Variants in SRCIN1 observed in about 807,000 individuals in gnomAD.
The protein encoded by SRCIN1 is SRC kinase signaling inhibitor 1, also known as P130Cas-associated protein.
A neutral mutation model predicts 116.2 loss-of-function variants in SRCIN1; 50 were observed. That is an observed-to-expected ratio of 0.43 (90% CI 0.34 to 0.54). The LOEUF is 0.54. Ranked by LOEUF, SRCIN1 falls within the 20% of genes least tolerant of loss-of-function variation. The pLI, the probability that SRCIN1 is intolerant of heterozygous loss-of-function variation, is 0.02. For missense variants in SRCIN1, 1,446 were observed against 1,672.0 expected (o/e 0.86, Z 2.36); for synonymous variants, 736 against 750.0 (o/e 0.98, Z 0.30).
Position 38,561,505 on chromosome 17 carries a change from A to G in SRCIN1, c.1658T>C (p.Val553Ala). 1 of 1,595,730 alleles carries G rather than the reference A, an allele frequency of 6.3e-7. No homozygotes were observed. The change falls in exon 7 of 19, where the codon GTT becomes GCT. Residue 553 changes from valine (V) to alanine (A), a missense_variant. Physicochemically the swap from Val to Ala is moderately conservative, Grantham distance 64. Coordinates refer to ENST00000617146, the MANE Select transcript of SRCIN1 (RefSeq NM_025248.3). ...LFPGPGERSL[V>A]GFGPPVPAKD... ...GGCTGGCACTGGCGGCCCGAACCCA[A>G]CCAGCGAGCGTTCCCCAGGCCCAGG...
intron 11 of SRCIN1, among the ~76,000 whole-genome samples, chr17:38,555,126 A>G (rs577514039): frequency 1.3e-5 from 2 of 152,318 alleles, no homozygotes; most frequent in African/African-American, 4.8e-5. Context: ...TTAACCCTCA[A>G]AACAAATCCT....
At position 38,605,708 on chromosome 17, in the gene SRCIN1, G is replaced by GGCGGGGGC. The variant is rs1025480618; in HGVS notation, c.-11_-4dup. 5.9e-5 allele frequency: 73 copies of GGCGGGGGC among 1,227,774 alleles called. No homozygotes were observed. The African/African-American group carries it at 1.0e-3, about 17-fold the overall frequency. The allele number at this position is 1,227,774 out of a possible 1,614,324, so 76.1% of individuals were successfully genotyped here. A position where few individuals can be genotyped will look rare whatever the true frequency, so the allele number is the denominator to read the frequency against. On this transcript the variant is annotated 5_prime_UTR_variant, in exon 1 of 19. Coordinates refer to ENST00000617146, the MANE Select transcript of SRCIN1 (RefSeq NM_025248.3). ...CCTTGGGACGGAGCGTTCCCCATCG[G>GGCGGGGGC]GCGGGGGCGCGGGGGGCGGGGGCCC...
In SRCIN1 at chr17:38,561,801, C is replaced by G; in HGVS notation, c.1362G>C (p.Ala454=). Residue 454 remains alanine (A), a synonymous_variant, in exon 7 of 19, where the codon GCG becomes GCC. Coordinates refer to ENST00000617146, the MANE Select transcript of SRCIN1 (RefSeq NM_025248.3). ...CGTACAGCGGGCCGCCGCCGCCCGCCGCCTTGTACAGGGAGTCCTCCAGAT... is the reference window on the plus strand; with the variant it reads ...CGTACAGCGGGCCGCCGCCGCCCGCGGCCTTGTACAGGGAGTCCTCCAGAT... ...QSDLEDSLYK[A]AGGGGPLYGD... 6.7e-7 allele frequency: 1 copy of G among 1,483,508 alleles called. No homozygotes were observed. The highest frequency in any genetic ancestry group is 8.9e-7 in the Non-Finnish European group (1 of 1,124,132). The allele number at this position is 1,483,508 out of a possible 1,614,324, so 91.9% of individuals were successfully genotyped here.
At chr17:38,560,017 G>C in intron 9 of SRCIN1, 37 bp downstream of exon 9, 1 of 1,510,116 alleles carries the variant, frequency 6.6e-7, no homozygotes, top group Non-Finnish European at 9.0e-7. Context: ...AACAGGCTCG[G>C]AGAGAACAAG....
At chr17:38,542,957 G>C in intron 18 of SRCIN1, 1 of 409,248 alleles carries the variant, frequency 2.4e-6, no homozygotes, top group East Asian at 7.2e-5. Context: ...CCCAGAATGG[G>C]CCTGTCATAC....
chr17:38,584,753 C>G (rs1205810668), intron 1 of SRCIN1, among the ~76,000 whole-genome samples: 1 of 152,262 alleles, frequency 6.6e-6, no homozygotes, highest in Non-Finnish European at 1.5e-5. Flanking sequence ...CAACTGGCAT[C>G]TTTACCCCGG....
At chr17:38,553,206 G>A (rs1377145043) in intron 11 of SRCIN1, among the ~76,000 whole-genome samples, 1 of 152,230 alleles carries the variant, frequency 6.6e-6, no homozygotes, top group African/African-American at 2.4e-5. Context: ...GCAGTGAGCC[G>A]TGATTGTGCC....
Position 38,563,780 on chromosome 17 carries a change from G to T in SRCIN1, c.542-259C>A, listed in dbSNP as rs2143206612. 7 of 666,766 alleles carry T rather than the reference G, an allele frequency of 1.0e-5. No homozygotes were observed. The highest frequency in any genetic ancestry group is 1.9e-5 in the Non-Finnish European group (7 of 374,606). 41.3% of individuals were successfully genotyped at this position (666,766 alleles called of 1,614,324 possible). On this transcript the variant is annotated intron_variant, in intron 4 of 18. Coordinates refer to ENST00000617146, the MANE Select transcript of SRCIN1 (RefSeq NM_025248.3). The surrounding 1 kb of genome is among the most constrained non-coding windows in gnomAD (Gnocchi z 5.8). The stretch of plus-strand genomic sequence containing the variant: ...GGACAAGGAAATGGAAGTGGGGGCA[G>T]AGCAGGTGGGGCGGAAACTGAGGGG...
chr17:38,581,773 G>A lies in SRCIN1; in HGVS notation c.23-2982C>T, dbSNP rs371760888. On this transcript the variant is annotated intron_variant, in intron 1 of 18. Coordinates refer to ENST00000617146, the MANE Select transcript of SRCIN1 (RefSeq NM_025248.3). ...GAGGTACTTGTGGCAACCCACAGTG[G>A]CCAGAAGTGTGGCTAAAGGAGAGTG... Among the ~76,000 whole-genome samples, 12 of 152,188 alleles carry A rather than the reference G, an allele frequency of 7.9e-5. No individual in the cohort carries two copies. In the East Asian group the frequency reaches 2.1e-3, roughly 27 times the overall value.
At chr17:38,575,780 CCCA>C (rs1447170945) in intron 2 of SRCIN1, among the ~76,000 whole-genome samples, 3 of 152,198 alleles carry the variant, frequency 2.0e-5, no homozygotes, top group Non-Finnish European at 4.4e-5. Flanking sequence ...CCAAGGCCAC[CCCA>C]CACCTAAGAC....
Position 38,548,766 on chromosome 17 carries a change from C to T in SRCIN1, c.3118-57G>A, listed in dbSNP as rs1475359748. The T allele has an allele frequency of 3.3e-6, 5 of 1,495,750 alleles. No individual in the cohort carries two copies. In the East Asian group the frequency reaches 7.2e-5, roughly 21 times the overall value. 92.7% of individuals were successfully genotyped at this position (1,495,750 alleles called of 1,614,324 possible). On this transcript the variant is annotated intron_variant, in intron 16 of 18. Transcript: ENST00000617146. ...GCTCTGCCCCACTTCAGCACCAGCT[C>T]ACCTCCCAGGCCCCATCGCCCATGT...
chr17:38,532,931 A>C lies in SRCIN1; in HGVS notation c.*366T>G. 1 of 164,038 alleles carries C rather than the reference A, an allele frequency of 6.1e-6. No individual in the cohort carries two copies. Among genetic ancestry groups the C allele is most frequent in the Non-Finnish European group, 1.3e-5 (1 of 76,414 alleles). The allele number at this position is 164,038 out of a possible 1,614,324, so 10.2% of individuals were successfully genotyped here. A position where few individuals can be genotyped will look rare whatever the true frequency, so the allele number is the denominator to read the frequency against. On this transcript the variant is annotated 3_prime_UTR_variant, in exon 19 of 19. Transcript: ENST00000617146. This position sits in a 1 kb window ranked among gnomAD's most constrained non-coding sequence, Gnocchi z 4.3. ...CTTGGGAAGTGAGGGGAAGGCGGGA[A>C]GGGGGTGCAGGAGCTTCAGGATGGA... is the stretch of plus-strand genomic sequence containing the variant.
In SRCIN1 at chr17:38,551,376, T is replaced by A. The variant is rs1341920560; in HGVS notation, c.2741A>T (p.Asp914Val). ...CAGGGCTGCCCGCTTCTCCTCCCAG[T>A]CTCGCTCTGCAGCCTTAACAGGGAG... is the stretch of plus-strand genomic sequence containing the variant. Reference protein sequence around the residue: ...KAVSVEAAERDWEEKRAALTQ... With the variant: ...KAVSVEAAERVWEEKRAALTQ... The change falls in exon 15 of 19, where the codon GAC becomes GTC. Residue 914 changes from aspartate to valine, a missense_variant. This residue lies in a region of SRCIN1 where 531 missense variants were observed against 633.9 expected (regional missense o/e 0.84). Coordinates refer to ENST00000617146, the MANE Select transcript of SRCIN1 (RefSeq NM_025248.3). 1.9e-6 allele frequency: 3 copies of A among 1,611,170 alleles called. No individual in the cohort carries two copies. The highest frequency in any genetic ancestry group is 2.5e-6 in the Non-Finnish European group (3 of 1,178,698).
chr17:38,536,843 G>A (rs1904409098), intron 18 of SRCIN1, among the ~76,000 whole-genome samples: 2 of 152,224 alleles, frequency 1.3e-5, no homozygotes, highest in African/African-American at 4.8e-5. Context: ...TGAGATAAGA[G>A]GTGTGGTCTG....
At chr17:38,566,083 G>C (rs868270427) in intron 3 of SRCIN1, among the ~76,000 whole-genome samples, 1 of 152,190 alleles carries the variant, frequency 6.6e-6, no homozygotes, top group Non-Finnish European at 1.5e-5. Context: ...TGGTTGCCAG[G>C]CTAGTGCGGA....
rs774884828 is a variant in SRCIN1 at position 38,560,110 on chromosome 17, GA to G, written c.1794-14del. On this transcript the variant is annotated splice_polypyrimidine_tract_variant and intron_variant, in intron 8 of 18. Transcript: ENST00000617146. Reference sequence around the variant, plus strand: ...TTCAATCTTCTCGCTGTGGCACAGGGAAAAAAGCCATCAGGGGGTCCAGGCC... The same window carrying G: ...TTCAATCTTCTCGCTGTGGCACAGGGAAAAAGCCATCAGGGGGTCCAGGCC... 2 of 1,542,684 alleles carry G rather than the reference GA, an allele frequency of 1.3e-6. No individual in the cohort carries two copies. The highest frequency in any genetic ancestry group is 1.7e-6 in the Non-Finnish European group (2 of 1,143,800).
chr17:38,552,989 T>C lies in SRCIN1; in HGVS notation c.2202-134A>G. ...AAAGCAGGAGGCTGGGCACCGTGGC[T>C]CACGCCCGTAATCTCAGTACTTTGG... is the stretch of plus-strand genomic sequence containing the variant. On this transcript the variant is annotated intron_variant, in intron 11 of 18. Transcript: ENST00000617146. This position sits in a 1 kb window ranked among gnomAD's most constrained non-coding sequence, Gnocchi z 5.3. The C allele has an allele frequency of 7.2e-7, 1 of 1,389,784 alleles. No individual in the cohort carries two copies. Among genetic ancestry groups the C allele is most frequent in the Non-Finnish European group, 9.7e-7 (1 of 1,034,414 alleles). The allele number at this position is 1,389,784 out of a possible 1,614,324, so 86.1% of individuals were successfully genotyped here.
chr17:38,546,653 G>A, intron 17 of SRCIN1: 1 of 152,720 alleles, frequency 6.5e-6, no homozygotes, highest in Non-Finnish European at 1.5e-5. Flanking sequence ...AGTGCCAAGG[G>A]CATGGCCAGC....
chr17:38,558,402 G>A lies in SRCIN1; in HGVS notation c.2026C>T (p.Leu676=). 6.3e-7 allele frequency: 1 copy of A among 1,594,854 alleles called. No homozygotes were observed. The highest frequency in any genetic ancestry group is 1.1e-5 in the South Asian group (1 of 90,160). ...GQLQQLRKLQ[L]QNQESVRALL... ...GCGCGCACCGACTCCTGGTTCTGTA[G>A]CTGCGGGACGCACGGACGGATGGAC... Residue 676 remains leucine, a splice_region_variant and synonymous_variant, in exon 11 of 19, where the codon CTA becomes TTA. Transcript: ENST00000617146. This position sits in a 1 kb window ranked among gnomAD's most constrained non-coding sequence, Gnocchi z 4.6.
Sources: gnomAD v4.1 joint callset for allele counts (sites outside exome capture counted in the v4.1 genomes callset) on GRCh38, gnomAD v4.1.1 for gene constraint, gnomAD v4.1.1 regional missense constraint, Gnocchi (gnomAD v3.1) non-coding constraint, MANE v1.5 for transcripts, NCBI Gene and HGNC (gene_info 2026-07-23, HGNC 2026-07-21) for gene names.